GCNT2: variants seen among roughly 807,000 people sequenced by gnomAD.
The protein encoded by GCNT2 is glucosaminyl (N-acetyl) transferase 2 (I blood group).
A neutral mutation model predicts 34.2 loss-of-function variants in GCNT2; 34 were observed. The ratio of observed to expected loss-of-function variants is 1.00; its 90% CI spans 0.76 to 1.32. The LOEUF is 1.32. GCNT2 is among the 40% of genes most tolerant of loss of function. The pLI is 0.00. For synonymous variants in GCNT2, 212 were observed against 188.0 expected (o/e 1.13, Z -1.04); for missense variants, 584 against 489.4 (o/e 1.19, Z -1.82).
chr6:10,559,056 AAAGTCTAAATT>A (rs2113673726), intron 3 of GCNT2, among the ~76,000 whole-genome samples: 1 of 150,832 alleles, frequency 6.6e-6, no homozygotes, highest in South Asian at 2.1e-4. Context: ...TAAGTTAACA[AAAGTCTAAATT>A]GTTGCTTTTT....
chr6:10,599,814 T>C (rs1349831821), intron 3 of GCNT2, among the ~76,000 whole-genome samples: 1 of 152,198 alleles, frequency 6.6e-6, no homozygotes, highest in Non-Finnish European at 1.5e-5. Flanking sequence ...TAATAACTTA[T>C]AACTCATTAA....
chr6:10,581,557 A>T (rs897633944), intron 3 of GCNT2, among the ~76,000 whole-genome samples: 2 of 152,138 alleles, frequency 1.3e-5, no homozygotes, highest in African/African-American at 4.8e-5. Flanking sequence ...GGCATGAACC[A>T]CTGCACCCGG....
Position 10,629,299 on chromosome 6 carries a change from A to G in GCNT2, c.*2692A>G, listed in dbSNP as rs1766389722. The G allele has an allele frequency of 6.6e-6, 1 of 152,618 alleles. No individual in the cohort carries two copies. Among genetic ancestry groups the G allele is most frequent in the African/African-American group, 2.4e-5 (1 of 41,432 alleles). The allele number at this position is 152,618 out of a possible 1,614,324, so 9.5% of individuals were successfully genotyped here. A position where few individuals can be genotyped will look rare whatever the true frequency, so the allele number is the denominator to read the frequency against. ...CATGGGAATGCCCTGAAACTACTGT[A>G]TCTGATGTTTGTTTTCGATGAGGTT... On this transcript the variant is annotated 3_prime_UTR_variant, in exon 5 of 5. Transcript: ENST00000495262.
intron 3 of GCNT2, among the ~76,000 whole-genome samples, chr6:10,561,768 A>G (rs1762996383): frequency 6.6e-6 from 1 of 151,344 alleles, no homozygotes; most frequent in African/African-American, 2.4e-5. Context: ...TTCTTCCATA[A>G]GAATGTTTTC....
intron 3 of GCNT2, among the ~76,000 whole-genome samples, chr6:10,569,272 CA>C (rs1763429269): frequency 6.8e-6 from 1 of 146,064 alleles, no homozygotes; most frequent in Admixed American, 6.7e-5. Flanking sequence ...CACACACACA[CA>C]CCCCCTAGGT....
At chr6:10,535,147 G>A (rs1380624590) in intron 3 of GCNT2, among the ~76,000 whole-genome samples, 5 of 152,182 alleles carry the variant, frequency 3.3e-5, no homozygotes, top group African/African-American at 9.7e-5. Context: ...TCGCGCCACT[G>A]CACTTCAGCC....
intron 3 of GCNT2, among the ~76,000 whole-genome samples, chr6:10,578,479 C>T (rs1247772741): frequency 3.2e-5 from 4 of 124,112 alleles, no homozygotes; most frequent in East Asian, 2.5e-4. Context: ...GACGGAGTCT[C>T]GCTGTCGCCC....
chr6:10,540,038 A>G (rs893568404), intron 3 of GCNT2, among the ~76,000 whole-genome samples: 4 of 151,870 alleles, frequency 2.6e-5, no homozygotes, highest in Non-Finnish European at 5.9e-5. Flanking sequence ...TGGTCGTGAC[A>G]TTGCACTCCA....
chr6:10,537,051 A>AC (rs1413288478), intron 3 of GCNT2, among the ~76,000 whole-genome samples: 1 of 152,200 alleles, frequency 6.6e-6, no homozygotes, highest in Non-Finnish European at 1.5e-5. Context: ...GGTGTGAGCC[A>AC]CCACTCTCGG....
intron 3 of GCNT2, among the ~76,000 whole-genome samples, chr6:10,584,807 G>A (rs539223937): frequency 2.0e-5 from 3 of 152,206 alleles, no homozygotes; most frequent in Non-Finnish European, 2.9e-5. Context: ...AAAAGTTACA[G>A]ATTAACAGCA....
intron 3 of GCNT2, among the ~76,000 whole-genome samples, chr6:10,571,026 A>C (rs1239400689): frequency 6.6e-6 from 1 of 152,224 alleles, no homozygotes; most frequent in Non-Finnish European, 1.5e-5. Flanking sequence ...CTGAATCTAA[A>C]ATAATGACAG....
At chr6:10,599,864 G>A (rs1255206877) in intron 3 of GCNT2, among the ~76,000 whole-genome samples, 1 of 152,184 alleles carries the variant, frequency 6.6e-6, no homozygotes, top group Non-Finnish European at 1.5e-5. Flanking sequence ...CATAGAAAGA[G>A]GAAGGTTGTG....
At chr6:10,536,789 C>T (rs555817765) in intron 3 of GCNT2, among the ~76,000 whole-genome samples, 3 of 151,208 alleles carry the variant, frequency 2.0e-5, no homozygotes, top group Non-Finnish European at 2.9e-5. Context: ...CTGCAACCTC[C>T]GTTTCCTGGG....
intron 3 of GCNT2, among the ~76,000 whole-genome samples, chr6:10,558,710 G>A (rs895230828): frequency 5.3e-5 from 8 of 152,256 alleles, no homozygotes; most frequent in African/African-American, 1.7e-4. Context: ...TCAGGCTGCA[G>A]GGCAGGGCCT....
At chr6:10,611,299 G>T (rs1253587925) in intron 3 of GCNT2, among the ~76,000 whole-genome samples, 3 of 142,338 alleles carry the variant, frequency 2.1e-5, no homozygotes, top group Non-Finnish European at 3.1e-5. Context: ...CCAGTACTGG[G>T]TGGAAACAAA....
rs561470405 is a variant in GCNT2 at position 10,529,394 on chromosome 6, T to C, written c.483T>C (p.Tyr161=). The change falls in exon 3 of 5, where the codon TAT becomes TAC. Residue 161 remains tyrosine (Y), a synonymous_variant. Transcript: ENST00000495262. ...FLASKKESVV[Y]GGISRLQADL... ...CTTCCAAGAAGGAGTCGGTTGTCTA[T>C]GGGGGGATCTCCAGGCTCCAGGCTG... 6.2e-7 allele frequency: 1 copy of C among 1,614,040 alleles called. No individual in the cohort carries two copies. The highest frequency in any genetic ancestry group is 1.3e-5 in the African/African-American group (1 of 75,002).
Position 10,526,679 on chromosome 6 carries a change from A to G in GCNT2, c.-468-795A>G, listed in dbSNP as rs549583010. On this transcript the variant is annotated intron_variant, in intron 1 of 4. Transcript: ENST00000495262. ...GGCCTCCCAAAAGTGCTGAGATTAC[A>G]GGCGTGAGCCACTGCACCCAGCCTC... Among the ~76,000 whole-genome samples, 10 of 152,308 alleles carry G rather than the reference A, an allele frequency of 6.6e-5. No homozygotes were observed. The East Asian group carries it at 1.9e-3, about 29-fold the overall frequency.
chr6:10,578,634 G>A (rs111852659), intron 3 of GCNT2, among the ~76,000 whole-genome samples: 4,448 of 151,820 alleles, frequency 0.029, 195 homozygotes, highest in African/African-American at 0.098. Context: ...TTTTAGTAGA[G>A]ACGGGGTTTC....
At chr6:10,594,796 G>T (rs1401076849) in intron 3 of GCNT2, among the ~76,000 whole-genome samples, 3 of 152,034 alleles carry the variant, frequency 2.0e-5, no homozygotes, top group Non-Finnish European at 4.4e-5. Flanking sequence ...TGTACCCAAA[G>T]ATGGATAGGA....
Sources: allele counts gnomAD v4.1 joint callset (sites outside exome capture counted in the v4.1 genomes callset), GRCh38; gene constraint gnomAD v4.1.1; transcripts MANE v1.5; gene names NCBI Gene and HGNC (gene_info 2026-07-23, HGNC 2026-07-21).